Variants in RAB27B observed in about 807,000 individuals in gnomAD.
RAB27B encodes RAB27B, member RAS oncogene family, also known as ras-related protein Rab-27B.
RAB27B carries 15 observed loss-of-function variants against 24.6 expected under a neutral mutation model. The observed-to-expected ratio is 0.61, with a 90% confidence interval of 0.41 to 0.94. The LOEUF is 0.94. Ranked by LOEUF, RAB27B falls within the 40% of genes least tolerant of loss-of-function variation. The pLI is 0.00. For synonymous variants in RAB27B, 105 were observed against 92.5 expected (o/e 1.14, Z -0.78); for missense variants, 261 against 266.8 (o/e 0.98, Z 0.15).
intron 2 of RAB27B, among the ~76,000 whole-genome samples, chr18:54,743,886 A>G (rs998182145): frequency 1.3e-5 from 2 of 152,178 alleles, no homozygotes; most frequent in Non-Finnish European, 2.9e-5. Flanking sequence ...TAGGAAATCG[A>G]CCGTAAGGGA....
At chr18:54,778,591 C>T (rs79242829) in intron 2 of RAB27B, among the ~76,000 whole-genome samples, 1,710 of 152,294 alleles carry the variant, frequency 0.011, 12 homozygotes, top group Non-Finnish European at 0.018. Context: ...ATGATTCTGT[C>T]CTCCTGGAGT....
chr18:54,806,153 C>G (rs2145139457), intron 2 of RAB27B, among the ~76,000 whole-genome samples: 1 of 152,240 alleles, frequency 6.6e-6, no homozygotes, highest in Admixed American at 6.5e-5. Context: ...ATACCCACAT[C>G]CTGTGCTCTG....
chr18:54,767,326 C>A (rs537238924), intron 2 of RAB27B, among the ~76,000 whole-genome samples: 1 of 152,090 alleles, frequency 6.6e-6, no homozygotes, highest in Non-Finnish European at 1.5e-5. Flanking sequence ...GTGTGGTGGG[C>A]AGTATTGATT....
intron 3 of RAB27B, chr18:54,880,443 T>TA (rs1679453219): frequency 6.6e-6 from 1 of 152,218 alleles, no homozygotes; most frequent in African/African-American, 2.4e-5. Context: ...TACCTCCAAA[T>TA]CCTGCATCGT....
At chr18:54,783,892 G>A (rs1230448895) in intron 2 of RAB27B, among the ~76,000 whole-genome samples, 2 of 151,926 alleles carry the variant, frequency 1.3e-5, no homozygotes. Context: ...TACATAGGTA[G>A]GAGCACATTG....
rs547044723 is a variant in RAB27B, at chr18:54,869,945, A to G, written c.-19-7622A>G. Among the ~76,000 whole-genome samples, 4 of 152,298 alleles carry G rather than the reference A, an allele frequency of 2.6e-5. No individual in the cohort carries two copies. In the East Asian group the frequency reaches 5.8e-4, roughly 22 times the overall value. On this transcript the variant is annotated intron_variant, in intron 1 of 5. Coordinates refer to ENST00000262094, the MANE Select transcript of RAB27B (RefSeq NM_004163.4). ...AAGAAAAAACAGGATTAAATGGACC[A>G]ATTACCGAAGAAAACAGAAGATAAT...
intron 1 of RAB27B, among the ~76,000 whole-genome samples, chr18:54,836,464 T>C (rs1483491219): frequency 1.3e-5 from 2 of 151,960 alleles, no homozygotes; most frequent in African/African-American, 4.9e-5. Context: ...CTTCAAGGTC[T>C]AAGTAGTCCA....
intron 2 of RAB27B, among the ~76,000 whole-genome samples, chr18:54,754,381 G>A (rs1263018393): frequency 2.6e-5 from 4 of 152,184 alleles, no homozygotes; most frequent in Non-Finnish European, 5.9e-5. Flanking sequence ...GTCTCAGGTA[G>A]TATCTTTATA....
At position 54,751,444 on chromosome 18, in the gene RAB27B, A is replaced by G. The variant is rs73959277; in HGVS notation, c.-20+33303A>G. Among the ~76,000 whole-genome samples the G allele has an allele frequency of 2.5e-3, 378 of 152,244 alleles. 2 individuals are homozygous for G. Among genetic ancestry groups the G allele is most frequent in the Non-Finnish European group, 4.5e-3 (304 of 68,010 alleles). On this transcript the variant is annotated intron_variant, in intron 2 of 4. Coordinates refer to the RAB27B transcript ENST00000586570. ...ACACATTGATTTGAGGTCCCTGTGT[A>G]ACCTTGGAGGAGCCATCACAGGTAA...
chr18:54,864,303 G>A (rs1378249012), intron 1 of RAB27B, among the ~76,000 whole-genome samples: 1 of 152,022 alleles, frequency 6.6e-6, no homozygotes, highest in African/African-American at 2.4e-5. Context: ...TGTAGTCTTT[G>A]AGAAGATATC....
chr18:54,857,848 AT>A (rs1322615905), intron 1 of RAB27B, among the ~76,000 whole-genome samples: 7 of 152,222 alleles, frequency 4.6e-5, no homozygotes, highest in Non-Finnish European at 7.3e-5. Context: ...CCTTATACTC[AT>A]TCCTCCTATT....
At chr18:54,852,300 A>G (rs1911618103) in intron 1 of RAB27B, among the ~76,000 whole-genome samples, 2 of 152,140 alleles carry the variant, frequency 1.3e-5, no homozygotes, top group South Asian at 2.1e-4. Flanking sequence ...TCTGAGGCCC[A>G]GGTTAAAGAA....
intron 2 of RAB27B, among the ~76,000 whole-genome samples, chr18:54,788,379 T>C (rs1468043850): frequency 6.6e-6 from 1 of 152,214 alleles, no homozygotes; most frequent in Non-Finnish European, 1.5e-5. Flanking sequence ...CTCAGCTCAC[T>C]GCAAACCCTG....
At chr18:54,755,304 C>T (rs1211560900) in intron 2 of RAB27B, among the ~76,000 whole-genome samples, 1 of 152,134 alleles carries the variant, frequency 6.6e-6, no homozygotes, top group African/African-American at 2.4e-5. Context: ...GCAGGAGAAT[C>T]ACTTGGACCT....
intron 1 of RAB27B, among the ~76,000 whole-genome samples, chr18:54,855,156 T>C (rs1911731468): frequency 6.6e-6 from 1 of 152,198 alleles, no homozygotes; most frequent in Admixed American, 6.5e-5. Context: ...CCCTTGCATG[T>C]GCAGTTCACA....
chr18:54,763,966 A>G (rs1288442180), intron 2 of RAB27B, among the ~76,000 whole-genome samples: 1 of 152,062 alleles, frequency 6.6e-6, no homozygotes, highest in African/African-American at 2.4e-5. Context: ...GGAATTTGTC[A>G]CCTCTAATCA....
intron 1 of RAB27B, among the ~76,000 whole-genome samples, chr18:54,840,532 C>G (rs1359578023): frequency 6.6e-6 from 1 of 152,108 alleles, no homozygotes; most frequent in East Asian, 1.9e-4. Context: ...TAATGTGACC[C>G]AAGTGGATGG....
In RAB27B at chr18:54,843,187, T is replaced by G. The variant is rs142511306; in HGVS notation, c.-20+14487T>G. ...TCATTTGTACCATTGTCACTGGATA[T>G]TGTGTCAGCAAGGAACATAACCTGC... On this transcript the variant is annotated intron_variant, in intron 1 of 5. Transcript: ENST00000262094. 4.2e-3 allele frequency among the ~76,000 whole-genome samples: 637 copies of G among 152,314 alleles called. 3 individuals carry two copies. The highest frequency in any genetic ancestry group is 6.7e-3 in the Non-Finnish European group (454 of 68,028).
rs1456423581 is a variant in RAB27B at position 54,831,523 on chromosome 18, G to T, written c.-20+2823G>T. 3.9e-5 allele frequency among the ~76,000 whole-genome samples: 6 copies of T among 152,252 alleles called. No homozygotes were observed. In the South Asian group the frequency reaches 1.2e-3, roughly 32 times the overall value. On this transcript the variant is annotated intron_variant, in intron 1 of 5. Transcript: ENST00000262094. ...ACATTTTTCAATAAATATTTACTGA[G>T]CATACTATGAACTTTAATATTCGTC...
Sources: allele counts gnomAD v4.1 joint callset (sites outside exome capture counted in the v4.1 genomes callset), GRCh38; gene constraint gnomAD v4.1.1; transcripts MANE v1.5; gene names NCBI Gene and HGNC (gene_info 2026-07-23, HGNC 2026-07-21).